The following GMDS variants were observed in gnomAD, a reference collection of about 807,000 sequenced individuals.
GMDS encodes the protein GDP-mannose 4,6-dehydratase.
In GMDS, 20 loss-of-function variants were observed where a neutral mutation model predicts 49.9. That is an observed-to-expected ratio of 0.40 (90% CI 0.28 to 0.58). GMDS has a LOEUF of 0.58. Among genes scored for constraint, GMDS ranks in the 20% least tolerant of loss-of-function variants. The probability of loss-of-function intolerance (pLI) is 0.42; values close to 1 mark genes in which losing one functional copy is unlikely to be tolerated. For missense variants in GMDS, 362 were observed against 481.4 expected, an observed-to-expected ratio of 0.75 and a Z score of 2.32; for synonymous variants, 177 against 178.6, an observed-to-expected ratio of 0.99 and a Z score of 0.07.
At chr6:1,867,640 G>A (rs566287157) in intron 7 of GMDS, among the ~76,000 whole-genome samples, 1 of 152,300 alleles carries the variant, frequency 6.6e-6, no homozygotes, top group Non-Finnish European at 1.5e-5. Context: ...GGGATCTCTA[G>A]AAACAAGTGG....
chr6:2,233,439 T>TG (rs1781206040), intron 1 of GMDS, among the ~76,000 whole-genome samples: 1 of 152,240 alleles, frequency 6.6e-6, no homozygotes, highest in Non-Finnish European at 1.5e-5. Context: ...CAAAGCCACA[T>TG]GGTCTCTGTT....
At chr6:2,198,753 G>C (rs1008417112) in intron 1 of GMDS, among the ~76,000 whole-genome samples, 4 of 152,182 alleles carry the variant, frequency 2.6e-5, no homozygotes, top group Admixed American at 6.5e-5. Context: ...ACAAGTTCAA[G>C]AAAAACTAAG....
At chr6:1,668,098 T>C (rs1764292233) in intron 9 of GMDS, among the ~76,000 whole-genome samples, 2 of 152,256 alleles carry the variant, frequency 1.3e-5, no homozygotes, top group African/African-American at 2.4e-5. Flanking sequence ...AATGTAAGCA[T>C]ATATTTGTCT....
chr6:1,718,057 C>A (rs1561753778), intron 9 of GMDS, among the ~76,000 whole-genome samples: 2 of 152,138 alleles, frequency 1.3e-5, no homozygotes, highest in Non-Finnish European at 2.9e-5. Context: ...AATTATTAAC[C>A]TACTTTTTCA....
rs80117787 is a variant in GMDS, at chr6:1,833,129, T to C, written c.772-90543A>G. On this transcript the variant is annotated intron_variant, in intron 7 of 10. Transcript: ENST00000380815. This position sits in a 1 kb window ranked among gnomAD's most constrained non-coding sequence, Gnocchi z 4.4. ...CGGCAGTGGAGCGTATGAAAGCCTT[T>C]TTTTTTTTTTTTTTTTTTTTAAACT... Among the ~76,000 whole-genome samples the C allele has an allele frequency of 2.2e-5, 3 of 136,264 alleles. No homozygotes were observed. Among genetic ancestry groups the C allele is most frequent in the Non-Finnish European group, 4.6e-5 (3 of 64,684 alleles). The allele number at this position is 136,264 out of a possible 152,430, so 89.4% of individuals were successfully genotyped here.
At chr6:2,051,047 T>C (rs913267768) in intron 4 of GMDS, among the ~76,000 whole-genome samples, 1 of 152,060 alleles carries the variant, frequency 6.6e-6, no homozygotes, top group Non-Finnish European at 1.5e-5. Flanking sequence ...ACATGGCACA[T>C]GTATACCTAG....
chr6:1,720,038 A>C (rs150138326), intron 9 of GMDS, among the ~76,000 whole-genome samples: 17 of 152,342 alleles, frequency 1.1e-4, no homozygotes, highest in African/African-American at 3.6e-4. Flanking sequence ...CTTAAGGATA[A>C]ATCAAAAAAT....
At chr6:1,688,027 G>T (rs1765043860) in intron 9 of GMDS, among the ~76,000 whole-genome samples, 1 of 152,194 alleles carries the variant, frequency 6.6e-6, no homozygotes, top group African/African-American at 2.4e-5. Context: ...GCTGTAGGAG[G>T]GCAAGAATGG....
intron 1 of GMDS, among the ~76,000 whole-genome samples, chr6:2,186,397 A>G (rs1363007735): frequency 6.6e-6 from 1 of 152,218 alleles, no homozygotes; most frequent in Non-Finnish European, 1.5e-5. Flanking sequence ...TACTCAACTT[A>G]GCTGATTCCC....
At chr6:2,243,987 T>C (rs1003196108) in intron 1 of GMDS, among the ~76,000 whole-genome samples, 1 of 150,734 alleles carries the variant, frequency 6.6e-6, no homozygotes, top group Non-Finnish European at 1.5e-5. Flanking sequence ...CTCAGCCTCC[T>C]GAGTAGCTAG....
intron 7 of GMDS, among the ~76,000 whole-genome samples, chr6:1,869,274 C>G (rs557134742): frequency 6.6e-6 from 1 of 152,264 alleles, no homozygotes; most frequent in East Asian, 1.9e-4. Flanking sequence ...GTAGATTGTT[C>G]CTTTCTTTGT....
At chr6:1,660,774 C>T (rs1764042363) in intron 9 of GMDS, among the ~76,000 whole-genome samples, 1 of 143,928 alleles carries the variant, frequency 6.9e-6, no homozygotes, top group African/African-American at 2.6e-5. Flanking sequence ...GAAGTACAGG[C>T]AATACGAGAT....
chr6:2,197,230 C>T (rs1779311488), intron 1 of GMDS, among the ~76,000 whole-genome samples: 1 of 152,198 alleles, frequency 6.6e-6, no homozygotes, highest in Non-Finnish European at 1.5e-5. Flanking sequence ...AGGCAAAGCG[C>T]TTCATGTCCC....
At position 1,640,067 on chromosome 6, in the gene GMDS, C is replaced by T. The variant is rs1384075742; in HGVS notation, c.988-15527G>A. 1.3e-5 allele frequency among the ~76,000 whole-genome samples: 2 copies of T among 152,174 alleles called. No homozygotes were observed. The highest frequency in any genetic ancestry group is 2.9e-5 in the Non-Finnish European group (2 of 68,020). On this transcript the variant is annotated intron_variant, in intron 9 of 10. Transcript: ENST00000380815. The surrounding 1 kb of genome is among the most constrained non-coding windows in gnomAD (Gnocchi z 4.0). Reference sequence around the variant, plus strand: ...TGTTGGGTAAGTGCCCGACAGACAGCAGCTCCTGCCACTGCACAGTCAGTG... The same window carrying T: ...TGTTGGGTAAGTGCCCGACAGACAGTAGCTCCTGCCACTGCACAGTCAGTG...
At chr6:1,875,941 C>T (rs557954691) in intron 7 of GMDS, among the ~76,000 whole-genome samples, 11 of 151,518 alleles carry the variant, frequency 7.3e-5, no homozygotes, top group African/African-American at 2.7e-4. Flanking sequence ...TCCCTTGAAC[C>T]CAGAAGGCAG....
At chr6:2,066,087 C>A (rs140254909) in intron 4 of GMDS, among the ~76,000 whole-genome samples, 1,927 of 152,168 alleles carry the variant, frequency 0.013, 41 homozygotes, top group African/African-American at 0.044. Context: ...GAAACTCTAC[C>A]AGCCAGAAGA....
chr6:1,798,479 CA>C (rs1467019994), intron 7 of GMDS, among the ~76,000 whole-genome samples: 1 of 152,126 alleles, frequency 6.6e-6, no homozygotes, highest in African/African-American at 2.4e-5. Flanking sequence ...GAGTCTTGTG[CA>C]AACCTTTTGT....
At chr6:1,813,712 C>T (rs1770542542) in intron 7 of GMDS, among the ~76,000 whole-genome samples, 1 of 152,158 alleles carries the variant, frequency 6.6e-6, no homozygotes. Context: ...GATCCACTGA[C>T]TTTTCCTCTA....
chr6:1,925,566 G>A (rs1217022284), intron 7 of GMDS, among the ~76,000 whole-genome samples: 1 of 152,200 alleles, frequency 6.6e-6, no homozygotes, highest in Non-Finnish European at 1.5e-5. Flanking sequence ...GCACAGCAGG[G>A]ATAACCAGCA....
Sources: gnomAD v4.1 joint callset for allele counts (sites outside exome capture counted in the v4.1 genomes callset) on GRCh38, gnomAD v4.1.1 for gene constraint, Gnocchi (gnomAD v3.1) non-coding constraint, MANE v1.5 for transcripts, NCBI Gene and HGNC (gene_info 2026-07-23, HGNC 2026-07-21) for gene names.